The following AKAP10 variants were observed in gnomAD, a reference collection of about 807,000 sequenced individuals.
The protein encoded by AKAP10 is A-kinase anchor protein 10, mitochondrial.
A neutral mutation model predicts 80.8 loss-of-function variants in AKAP10; 24 were observed. That is an observed-to-expected ratio of 0.30 (90% CI 0.22 to 0.42). The LOEUF (loss-of-function observed/expected upper bound fraction) is 0.42, where lower values mean the gene tolerates loss of function less well. Among genes scored for constraint, AKAP10 ranks in the 10% least tolerant of loss-of-function variants. The pLI, the probability that AKAP10 is intolerant of heterozygous loss-of-function variation, is 1.00. For missense variants in AKAP10, 661 were observed against 794.9 expected (o/e 0.83, Z 2.03); for synonymous variants, 291 against 277.7 (o/e 1.05, Z -0.48).
intron 6 of AKAP10, 130 bp downstream of exon 6, chr17:19,941,696 A>AT (rs1272044141): frequency 7.6e-6 from 4 of 526,376 alleles, no homozygotes; most frequent in Middle Eastern, 2.9e-4. Context: ...AGTATGCTTT[A>AT]TATGATCTTG....
At chr17:19,942,031 A>G in intron 5 of AKAP10, 121 bp from the exon 6 acceptor site, 1 of 614,782 alleles carries the variant, frequency 1.6e-6, no homozygotes, top group Non-Finnish European at 2.5e-6. Context: ...AAATAGAACT[A>G]AAAGAAAATA....
At chr17:19,952,654 T>C (rs981257308) in intron 4 of AKAP10, among the ~76,000 whole-genome samples, 2 of 152,136 alleles carry the variant, frequency 1.3e-5, no homozygotes, top group East Asian at 3.9e-4. Context: ...CAACAGATAT[T>C]TCTGATCTTA....
At chr17:19,934,752 C>A (rs1597502037) in intron 9 of AKAP10, among the ~76,000 whole-genome samples, 1 of 152,132 alleles carries the variant, frequency 6.6e-6, no homozygotes, top group Non-Finnish European at 1.5e-5. Flanking sequence ...GTAGCTCATG[C>A]CTGTAATCCC....
In AKAP10 at chr17:19,911,727, C is replaced by T. The variant is rs1022111308; in HGVS notation, c.1835-1749G>A. 2.7e-5 allele frequency among the ~76,000 whole-genome samples: 4 copies of T among 148,292 alleles called. No individual in the cohort carries two copies. In the Admixed American group the frequency reaches 2.7e-4, roughly 10 times the overall value. Reference sequence around the variant, plus strand: ...GTGCATGGCTGTAATCCCAGCTACTCGGGAGGCTGAGGCAGGAGAATTGCT... The same window carrying T: ...GTGCATGGCTGTAATCCCAGCTACTTGGGAGGCTGAGGCAGGAGAATTGCT... On this transcript the variant is annotated intron_variant, in intron 12 of 14. Transcript: ENST00000225737.
At chr17:19,946,275 A>ATATATTTTTTT (rs1396725688) in intron 5 of AKAP10, among the ~76,000 whole-genome samples, 1 of 12,932 alleles carries the variant, frequency 7.7e-5, no homozygotes, top group Non-Finnish European at 1.4e-4. Flanking sequence ...ATATATATAT[A>ATATATTTTTTT]TTTTTTTTTT....
intron 1 of AKAP10, among the ~76,000 whole-genome samples, chr17:19,974,869 C>G (rs1365769725): frequency 6.6e-6 from 1 of 151,998 alleles, no homozygotes; most frequent in Non-Finnish European, 1.5e-5. Flanking sequence ...GATGGAGTCT[C>G]TCTATGCTGT....
chr17:19,943,938 T>C (rs932356026), intron 5 of AKAP10, among the ~76,000 whole-genome samples: 1 of 151,588 alleles, frequency 6.6e-6, no homozygotes, highest in Non-Finnish European at 1.5e-5. Flanking sequence ...CCCACACAAC[T>C]AGAGTCATGG....
intron 4 of AKAP10, 114 bp downstream of exon 4, chr17:19,957,900 T>C (rs954067672): frequency 7.0e-6 from 8 of 1,142,386 alleles, no homozygotes; most frequent in Non-Finnish European, 9.8e-6. Context: ...TTACAAGTAG[T>C]TAGAGGAGAA....
chr17:19,977,008 T>A (rs1163645268), intron 1 of AKAP10, among the ~76,000 whole-genome samples: 1 of 152,136 alleles, frequency 6.6e-6, no homozygotes, highest in Non-Finnish European at 1.5e-5. Context: ...ATGTAAGTAG[T>A]TCGTTTGTAA....
chr17:19,966,149 A>G (rs1012495006), intron 2 of AKAP10, among the ~76,000 whole-genome samples: 1 of 152,192 alleles, frequency 6.6e-6, no homozygotes, highest in Non-Finnish European at 1.5e-5. Flanking sequence ...CCCACCCAAC[A>G]TAACAAAACT....
chr17:19,918,560 C>G (rs1345882306), intron 12 of AKAP10, among the ~76,000 whole-genome samples: 1 of 152,158 alleles, frequency 6.6e-6, no homozygotes, highest in Non-Finnish European at 1.5e-5. Flanking sequence ...GACCTCGTGA[C>G]CCACCTGCTC....
chr17:19,908,389 GTC>G (rs1450500057), intron 14 of AKAP10, among the ~76,000 whole-genome samples: 17 of 152,112 alleles, frequency 1.1e-4, no homozygotes. Flanking sequence ...GTATTACTAA[GTC>G]TCTCTACTCT....
chr17:19,956,705 G>A (rs1161682989), intron 4 of AKAP10, among the ~76,000 whole-genome samples: 5 of 152,056 alleles, frequency 3.3e-5, no homozygotes, highest in African/African-American at 1.2e-4. Flanking sequence ...CAGTAACTTT[G>A]CGATGAAAAT....
At chr17:19,912,046 T>C (rs903287084) in intron 12 of AKAP10, among the ~76,000 whole-genome samples, 3 of 152,112 alleles carry the variant, frequency 2.0e-5, no homozygotes, top group African/African-American at 2.4e-5. Flanking sequence ...TGTTACACTG[T>C]CTCTTAGATG....
chr17:19,914,628 C>CAAAAAAAAAAAAAA lies in AKAP10; in HGVS notation c.1835-4664_1835-4651dup, dbSNP rs36071856. On this transcript the variant is annotated intron_variant, in intron 12 of 14. Transcript: ENST00000225737. The stretch of plus-strand genomic sequence containing the variant: ...TGGGCAACAGAGCAAGACCCTATCT[C>CAAAAAAAAAAAAAA]AAAAAAAAAAAAAAAAAAAAAAGAT... 1.9e-4 allele frequency among the ~76,000 whole-genome samples: 11 copies of CAAAAAAAAAAAAAA among 58,512 alleles called. No homozygotes were observed. In the East Asian group the frequency reaches 7.6e-3, roughly 40 times the overall value. The allele number at this position is 58,512 out of a possible 152,430, so 38.4% of individuals were successfully genotyped here. A position where few individuals can be genotyped will look rare whatever the true frequency, so the allele number is the denominator to read the frequency against.
chr17:19,946,223 TA>T (rs1253388310), intron 5 of AKAP10, among the ~76,000 whole-genome samples: 5 of 13,418 alleles, frequency 3.7e-4, no homozygotes, highest in South Asian at 2.0e-3. Context: ...ATATATATTT[TA>T]TATATATATA....
chr17:19,928,348 G>C (rs1409288447), intron 10 of AKAP10, among the ~76,000 whole-genome samples: 1 of 152,178 alleles, frequency 6.6e-6, no homozygotes, highest in Non-Finnish European at 1.5e-5. Flanking sequence ...TTACTCATCA[G>C]AGAAGTGCAA....
chr17:19,918,392 A>G (rs1389514609), intron 12 of AKAP10, among the ~76,000 whole-genome samples: 1 of 151,882 alleles, frequency 6.6e-6, no homozygotes, highest in African/African-American at 2.4e-5. Context: ...TAAAAATGCA[A>G]AAATTAGCCA....
In AKAP10 at chr17:19,924,373, C is replaced by G. The variant is rs1441587028; in HGVS notation, c.1751+35G>C. The G allele has an allele frequency of 3.5e-6, 5 of 1,412,872 alleles. No homozygotes were observed. In the African/African-American group the frequency reaches 5.8e-5, roughly 16 times the overall value. 87.5% of individuals were successfully genotyped at this position (1,412,872 alleles called of 1,614,324 possible). ...AATTTAAAAGATGCAAAGTTATTTA[C>G]ACTTGTAAAAATTCTAGGCATGAGC... On this transcript the variant is annotated intron_variant, in intron 11 of 14. Transcript: ENST00000225737.
Sources: gnomAD v4.1 joint callset for allele counts (sites outside exome capture counted in the v4.1 genomes callset) on GRCh38, gnomAD v4.1.1 for gene constraint, MANE v1.5 for transcripts, NCBI Gene and HGNC (gene_info 2026-07-23, HGNC 2026-07-21) for gene names.